ERICH1: variants seen among roughly 807,000 people sequenced by gnomAD.
The protein encoded by ERICH1 is glutamate rich 1.
ERICH1 carries 56 observed loss-of-function variants against 39.6 expected under a neutral mutation model. The observed-to-expected ratio is 1.41, with a 90% confidence interval of 1.14 to 1.77. The LOEUF is 1.77. Among genes scored for constraint, ERICH1 ranks in the 40% most tolerant of loss-of-function variants. The pLI, the probability that ERICH1 is intolerant of heterozygous loss-of-function variation, is 0.00. For missense variants in ERICH1, 826 were observed against 575.4 expected (o/e 1.44, Z -4.45); for synonymous variants, 313 against 223.6 (o/e 1.40, Z -3.57).
chr8:726,637 CAG>C (rs1818755302), intron 1 of ERICH1, among the ~76,000 whole-genome samples: 1 of 151,194 alleles, frequency 6.6e-6, no homozygotes, highest in African/African-American at 2.4e-5. Flanking sequence ...GGTGAACACA[CAG>C]ACACACATGT....
intron 3 of ERICH1, among the ~76,000 whole-genome samples, chr8:676,839 T>TG (rs1435764452): frequency 6.6e-6 from 1 of 152,252 alleles, no homozygotes; most frequent in Non-Finnish European, 1.5e-5. Context: ...AAGCGCCTGT[T>TG]GGAGTTTTCT....
At chr8:638,303 T>C (rs1563175945) in intron 3 of ERICH1, among the ~76,000 whole-genome samples, 1 of 152,176 alleles carries the variant, frequency 6.6e-6, no homozygotes, top group Non-Finnish European at 1.5e-5. Context: ...TGGGGCTCGA[T>C]GGGAAGCTCA....
intron 2 of ERICH1, among the ~76,000 whole-genome samples, chr8:708,698 T>TTTTTTTG (rs1563319703): frequency 2.9e-5 from 4 of 139,698 alleles, no homozygotes; most frequent in African/African-American, 1.1e-4. Context: ...TTTTTTTTTT[T>TTTTTTTG]TTTTTTTTTT....
rs1014305071 is a variant in ERICH1, at chr8:690,764, C to T, written c.304+1714G>A. 4.6e-5 allele frequency: 7 copies of T among 152,730 alleles called. 1 individual carries two copies. Among genetic ancestry groups the T allele is most frequent in the Admixed American group, 3.9e-4 (6 of 15,318 alleles). The allele number at this position is 152,730 out of a possible 1,614,324, so 9.5% of individuals were successfully genotyped here. A position where few individuals can be genotyped will look rare whatever the true frequency, so the allele number is the denominator to read the frequency against. ...GCACAGCAAAGGCAAAAACAAACAG[C>T]ACTTTCCTCTGCAGCTTCCTGGGAG... On this transcript the variant is annotated intron_variant, in intron 3 of 5. Transcript: ENST00000262109.
chr8:665,330 C>T (rs62486247), intron 5 of ERICH1, among the ~76,000 whole-genome samples: 3,125 of 152,326 alleles, frequency 0.021, 38 homozygotes, highest in Middle Eastern at 0.044. Context: ...CTGGCTCTAA[C>T]GTCTGTGCTC....
At chr8:689,460 G>A (rs932328644) in intron 3 of ERICH1, among the ~76,000 whole-genome samples, 8 of 152,130 alleles carry the variant, frequency 5.3e-5, no homozygotes, top group East Asian at 1.9e-4. Flanking sequence ...AAAACCTAAC[G>A]GACTGATCAA....
chr8:708,696 T>TTTTTTTTG (rs1813975066), intron 2 of ERICH1, among the ~76,000 whole-genome samples: 1 of 138,260 alleles, frequency 7.2e-6, no homozygotes. Flanking sequence ...TTTTTTTTTT[T>TTTTTTTTG]TTTTTTTTTT....
intron 3 of ERICH1, among the ~76,000 whole-genome samples, chr8:623,976 A>G (rs1457045936): frequency 2.0e-5 from 3 of 152,342 alleles, no homozygotes; most frequent in African/African-American, 7.2e-5. Flanking sequence ...AGAATGGGAG[A>G]AAATATTTGC....
In ERICH1 at chr8:692,494, G is replaced by A. The variant is rs746783229; in HGVS notation, c.288C>T (p.Ser96=). 9 of 1,613,806 alleles carry A rather than the reference G, an allele frequency of 5.6e-6. No individual in the cohort carries two copies. The highest frequency in any genetic ancestry group is 5.1e-6 in the Non-Finnish European group (6 of 1,179,938). The change falls in exon 3 of 6, where the codon AGC becomes AGT. Residue 96 remains serine (S), a synonymous_variant. Coordinates refer to ENST00000262109, the MANE Select transcript of ERICH1 (RefSeq NM_207332.3). ...GCATTTTACCTTCTGTGTCATCCCC[G>A]CTGGAGGCGTTCTCGGGGCTCCCAC... ...SSCGSPENAS[S]GDDTEDQDPH...
chr8:636,164 C>A (rs1293018561), intron 3 of ERICH1, among the ~76,000 whole-genome samples: 1 of 152,194 alleles, frequency 6.6e-6, no homozygotes, highest in Admixed American at 6.5e-5. Context: ...AATCCCTGCG[C>A]CCCGGCCACC....
At chr8:657,102 G>C (rs905096031) in intron 3 of ERICH1, among the ~76,000 whole-genome samples, 1 of 152,192 alleles carries the variant, frequency 6.6e-6, no homozygotes, top group Non-Finnish European at 1.5e-5. Context: ...GTTTCTTAAA[G>C]GTTGGTTGCA....
At chr8:663,284 G>T (rs377057015), downstream of ERICH1, among the ~76,000 whole-genome samples, 20 of 152,280 alleles carry the variant, frequency 1.3e-4, no homozygotes, top group South Asian at 4.1e-3. Context: ...CATCAGCTTT[G>T]GGCAGGGGTG....
chr8:703,716 G>C (rs1052459102), intron 2 of ERICH1, among the ~76,000 whole-genome samples: 8 of 152,210 alleles, frequency 5.3e-5, no homozygotes, highest in African/African-American at 1.9e-4. Flanking sequence ...GGTGGAAGAT[G>C]AAATTTGAGA....
At chr8:636,962 A>G (rs1798487161) in intron 3 of ERICH1, among the ~76,000 whole-genome samples, 1 of 152,132 alleles carries the variant, frequency 6.6e-6, no homozygotes, top group African/African-American at 2.4e-5. Flanking sequence ...TGCACAGTCC[A>G]CTTTCTGCAG....
At chr8:690,271 G>C (rs1386933517) in intron 3 of ERICH1, among the ~76,000 whole-genome samples, 1 of 152,222 alleles carries the variant, frequency 6.6e-6, no homozygotes, top group Non-Finnish European at 1.5e-5. Flanking sequence ...GTCACATTCA[G>C]AGATTACCCA....
intron 1 of ERICH1, among the ~76,000 whole-genome samples, chr8:720,331 T>C (rs1316761444): frequency 6.6e-6 from 1 of 152,092 alleles, no homozygotes; most frequent in Non-Finnish European, 1.5e-5. Flanking sequence ...AACGCTGAGG[T>C]ACCCACGATG....
intron 3 of ERICH1, among the ~76,000 whole-genome samples, chr8:623,860 T>C (rs141190533): frequency 6.6e-6 from 1 of 152,164 alleles, no homozygotes; most frequent in African/African-American, 2.4e-5. Flanking sequence ...CTCTTAGATA[T>C]GAACCAAAAG....
chr8:625,695 T>G (rs1418987662), intron 3 of ERICH1: 1 of 152,174 alleles, frequency 6.6e-6, no homozygotes, highest in Non-Finnish European at 1.5e-5. Flanking sequence ...TAGACAGAAA[T>G]GTAGTCTCAC....
At chr8:616,054 T>A (rs1172384216) in intron 3 of ERICH1, 1 of 155,336 alleles carries the variant, frequency 6.4e-6, no homozygotes, top group Non-Finnish European at 1.4e-5. Flanking sequence ...CTCCGCCCTG[T>A]CACAGTACAC....
Sources: gnomAD v4.1 joint callset for allele counts (sites outside exome capture counted in the v4.1 genomes callset) on GRCh38, gnomAD v4.1.1 for gene constraint, MANE v1.5 for transcripts, NCBI Gene and HGNC (gene_info 2026-07-23, HGNC 2026-07-21) for gene names.